The following CSMD3 variants were observed in gnomAD, a reference collection of about 807,000 sequenced individuals.
CSMD3 encodes CUB and Sushi multiple domains 3, also known as CUB and sushi domain-containing protein 3.
A neutral mutation model predicts 435.2 loss-of-function variants in CSMD3; 177 were observed. That is an observed-to-expected ratio of 0.41 (90% CI 0.36 to 0.46). The LOEUF (loss-of-function observed/expected upper bound fraction) is 0.46, where lower values mean the gene tolerates loss of function less well. Ranked by LOEUF, CSMD3 falls within the 20% of genes least tolerant of loss-of-function variation. CSMD3 has a pLI of 0.34. For synonymous variants in CSMD3, 1,656 were observed against 1,520.5 expected (o/e 1.09, Z -2.07); for missense variants, 4,265 against 4,504.6 (o/e 0.95, Z 1.52).
At chr8:112,715,474 C>T (rs895389943) in intron 13 of CSMD3, among the ~76,000 whole-genome samples, 3 of 152,150 alleles carry the variant, frequency 2.0e-5, no homozygotes, top group Admixed American at 6.6e-5. Flanking sequence ...GACAAATTCA[C>T]AGCAAAATGC....
rs1812297065 is a variant in CSMD3, at chr8:112,223,128, CATT to C, written c.*1640_*1642del. 2.5e-6 allele frequency: 1 copy of C among 398,240 alleles called. No homozygotes were observed. Among genetic ancestry groups the C allele is most frequent in the African/African-American group, 2.1e-5 (1 of 48,700 alleles). 24.7% of individuals were successfully genotyped at this position (398,240 alleles called of 1,614,324 possible). ...TTAGCCTTAACATTAATGAATGAAT[CATT>C]GTTATTGCAGTCATTTGAATAAACA... is the stretch of plus-strand genomic sequence containing the variant. On this transcript the variant is annotated 3_prime_UTR_variant, in exon 71 of 71. Transcript: ENST00000297405.
chr8:112,336,623 A>C (rs1824586940), intron 44 of CSMD3, 29 bp downstream of exon 44: 1 of 1,501,810 alleles, frequency 6.7e-7, no homozygotes, highest in South Asian at 1.1e-5. Context: ...ATATAATTGA[A>C]TAAATCAATA....
chr8:112,716,470 A>C (rs2076731320), intron 13 of CSMD3, among the ~76,000 whole-genome samples: 1 of 152,216 alleles, frequency 6.6e-6, no homozygotes, highest in South Asian at 2.1e-4. Context: ...TATAGGAAGA[A>C]TCAATAGTGT....
At chr8:112,751,779 C>G (rs1048143827) in intron 13 of CSMD3, among the ~76,000 whole-genome samples, 1 of 151,904 alleles carries the variant, frequency 6.6e-6, no homozygotes, top group Non-Finnish European at 1.5e-5. Context: ...TCTCTACCTA[C>G]CAACTTCTAT....
chr8:112,603,798 A>G (rs866613031), intron 22 of CSMD3, among the ~76,000 whole-genome samples: 1 of 152,158 alleles, frequency 6.6e-6, no homozygotes, highest in Admixed American at 6.5e-5. Context: ...ATCCAAAAAA[A>G]TTGCATATTA....
intron 3 of CSMD3, among the ~76,000 whole-genome samples, chr8:113,192,802 T>C (rs759217030): frequency 2.0e-5 from 3 of 149,584 alleles, no homozygotes; most frequent in South Asian, 2.1e-4. Flanking sequence ...CTTATAGTCC[T>C]CCTTTTTCTT....
chr8:113,229,234 G>A (rs2093059304), intron 3 of CSMD3, among the ~76,000 whole-genome samples: 1 of 151,642 alleles, frequency 6.6e-6, no homozygotes, highest in Admixed American at 6.6e-5. Flanking sequence ...ATGTGGTGCT[G>A]TGAAACTATC....
intron 9 of CSMD3, among the ~76,000 whole-genome samples, chr8:112,923,644 C>A (rs1009082173): frequency 2.0e-5 from 3 of 152,134 alleles, no homozygotes; most frequent in African/African-American, 7.2e-5. Context: ...CCATTATCTT[C>A]TTCCATGTTA....
At chr8:112,492,942 T>A (rs1018058158) in intron 30 of CSMD3, among the ~76,000 whole-genome samples, 1 of 152,154 alleles carries the variant, frequency 6.6e-6, no homozygotes, top group Non-Finnish European at 1.5e-5. Flanking sequence ...GGAGGATGTA[T>A]ATAAGTTATA....
intron 5 of CSMD3, among the ~76,000 whole-genome samples, chr8:113,058,256 T>G (rs2088439473): frequency 6.6e-6 from 1 of 151,974 alleles, no homozygotes; most frequent in South Asian, 2.1e-4. Context: ...GTTATATATT[T>G]TATTTCATGG....
At chr8:113,186,285 C>T (rs2092500377) in intron 3 of CSMD3, among the ~76,000 whole-genome samples, 2 of 151,924 alleles carry the variant, frequency 1.3e-5, no homozygotes, top group Admixed American at 6.6e-5. Flanking sequence ...AGGTCATTGG[C>T]CACTACCCAC....
chr8:113,364,282 GTA>G (rs2094297276), intron 1 of CSMD3, among the ~76,000 whole-genome samples: 1 of 151,684 alleles, frequency 6.6e-6, no homozygotes, highest in Non-Finnish European at 1.5e-5. Flanking sequence ...TACAGAAAAT[GTA>G]TAAAGCATGG....
chr8:112,619,068 CAT>C (rs1644988042), intron 22 of CSMD3, among the ~76,000 whole-genome samples: 1 of 151,996 alleles, frequency 6.6e-6, no homozygotes, highest in African/African-American at 2.4e-5. Flanking sequence ...ATGAGGATGA[CAT>C]ATATGTAAAA....
In CSMD3 at chr8:112,517,237, CAG is replaced by C; in HGVS notation, c.4565-14_4565-13del. 6.2e-7 allele frequency: 1 copy of C among 1,610,510 alleles called. No individual in the cohort carries two copies. The highest frequency in any genetic ancestry group is 8.5e-7 in the Non-Finnish European group (1 of 1,177,632). ...AGTGGCAACAGAACCTATCAAAAGA[CAG>C]AGACAAAATTTTAGTTTTGATAACT... On this transcript the variant is annotated splice_polypyrimidine_tract_variant and intron_variant, in intron 27 of 70. Coordinates refer to ENST00000297405, the MANE Select transcript of CSMD3 (RefSeq NM_198123.2).
chr8:112,662,445 G>A (rs2075407805), intron 17 of CSMD3, among the ~76,000 whole-genome samples: 1 of 151,946 alleles, frequency 6.6e-6, no homozygotes, highest in African/African-American at 2.4e-5. Flanking sequence ...TTTAATAAAT[G>A]GTGCTGGGAA....
At chr8:112,375,706 A>G (rs1224699507) in intron 38 of CSMD3, among the ~76,000 whole-genome samples, 1 of 152,182 alleles carries the variant, frequency 6.6e-6, no homozygotes, top group African/African-American at 2.4e-5. Context: ...ATTCAGCAAT[A>G]TATTTTAGAA....
chr8:112,583,322 AG>A (rs1398752483), intron 23 of CSMD3, among the ~76,000 whole-genome samples: 2 of 118,296 alleles, frequency 1.7e-5, no homozygotes, highest in Admixed American at 1.7e-4. Context: ...AATACACATT[AG>A]TCATTCAAGT....
At chr8:112,926,658 A>G (rs1482691932) in intron 9 of CSMD3, among the ~76,000 whole-genome samples, 3 of 152,128 alleles carry the variant, frequency 2.0e-5, no homozygotes, top group Non-Finnish European at 4.4e-5. Context: ...TTCAAAATAC[A>G]CAAATTTTAC....
intron 1 of CSMD3, among the ~76,000 whole-genome samples, chr8:113,320,199 T>C (rs1297053013): frequency 6.6e-6 from 1 of 152,070 alleles, no homozygotes; most frequent in African/African-American, 2.4e-5. Flanking sequence ...AAAACTGGCA[T>C]TGCAACTTTT....
Sources: allele counts gnomAD v4.1 joint callset (sites outside exome capture counted in the v4.1 genomes callset), GRCh38; gene constraint gnomAD v4.1.1; transcripts MANE v1.5; gene names NCBI Gene and HGNC (gene_info 2026-07-23, HGNC 2026-07-21).